COL12A1: variants seen among roughly 807,000 people sequenced by gnomAD.
COL12A1 encodes collagen alpha-1(XII) chain.
A neutral mutation model predicts 349.7 loss-of-function variants in COL12A1; 114 were observed. That is an observed-to-expected ratio of 0.33 (90% CI 0.28 to 0.38). COL12A1 has a LOEUF of 0.38. COL12A1 is among the 10% of genes least tolerant of loss of function. COL12A1 has a pLI of 1.00. For synonymous variants in COL12A1, 1,369 were observed against 1,329.0 expected (o/e 1.03, Z -0.66); for missense variants, 3,284 against 3,756.9 (o/e 0.87, Z 3.29).
At chr6:75,154,680 G>A in intron 16 of COL12A1, 143 bp from the exon 17 acceptor site, 3 of 781,170 alleles carry the variant, frequency 3.8e-6, no homozygotes, top group Non-Finnish European at 5.4e-6. Context: ...TATAAGAGAA[G>A]AAAAATAATT....
At chr6:75,137,391 G>T in intron 31 of COL12A1, 46 bp downstream of exon 31, 1 of 1,504,668 alleles carries the variant, frequency 6.6e-7, no homozygotes, top group Non-Finnish European at 8.9e-7. Flanking sequence ...AGTTTGAAGA[G>T]AAATGGTAGA....
chr6:75,112,531 T>C (rs556471598), intron 51 of COL12A1, among the ~76,000 whole-genome samples: 233 of 151,698 alleles, frequency 1.5e-3, no homozygotes, highest in Middle Eastern at 3.4e-3. Flanking sequence ...GTTTCTACTA[T>C]CTGCTGGATG....
Position 75,090,426 on chromosome 6 carries a change from A to C in COL12A1, c.8753-128T>G. On this transcript the variant is annotated intron_variant, in intron 62 of 65. Transcript: ENST00000322507. This position sits in a 1 kb window ranked among gnomAD's most constrained non-coding sequence, Gnocchi z 4.1. Reference sequence around the variant, plus strand: ...GCAACCCCTCTAAGGAAACAATCTAATTAGAATCCTAAAAATAAAATTAAG... The same window carrying C: ...GCAACCCCTCTAAGGAAACAATCTACTTAGAATCCTAAAAATAAAATTAAG... The C allele has an allele frequency of 2.3e-6, 2 of 853,328 alleles. No individual in the cohort carries two copies. The highest frequency in any genetic ancestry group is 3.1e-4 in the Middle Eastern group (1 of 3,230). The allele number at this position is 853,328 out of a possible 1,614,324, so 52.9% of individuals were successfully genotyped here.
Position 75,137,584 on chromosome 6 carries a change from A to G in COL12A1, c.5252-5T>C. The stretch of plus-strand genomic sequence containing the variant: ...TTCGTGGGCCACTTTTGGGAGCTGA[A>G]AGAAGATTGTTGAAAAACTGAGTAA... On this transcript the variant is annotated splice_region_variant and splice_polypyrimidine_tract_variant and intron_variant, in intron 30 of 65. Coordinates refer to ENST00000322507, the MANE Select transcript of COL12A1 (RefSeq NM_004370.6). 6.2e-6 allele frequency: 10 copies of G among 1,613,668 alleles called. No individual in the cohort carries two copies. The highest frequency in any genetic ancestry group is 8.5e-6 in the Non-Finnish European group (10 of 1,179,780).
chr6:75,104,599 G>A (rs1482032595), intron 54 of COL12A1, among the ~76,000 whole-genome samples: 1 of 152,094 alleles, frequency 6.6e-6, no homozygotes, highest in African/African-American at 2.4e-5. Context: ...CTAACTCAAG[G>A]GGTTTCACAT....
At chr6:75,173,615 T>A (rs1441431042) in intron 13 of COL12A1, among the ~76,000 whole-genome samples, 1 of 152,236 alleles carries the variant, frequency 6.6e-6, no homozygotes, top group East Asian at 1.9e-4. Context: ...CCTCAGGTGA[T>A]CCACCTGCCT....
Position 75,133,960 on chromosome 6 carries a change from G to A in COL12A1, c.5562C>T (p.Asp1854=). The change falls in exon 33 of 66, where the codon GAC becomes GAT. Residue 1854 remains aspartate (D), a synonymous_variant. Coordinates refer to ENST00000322507, the MANE Select transcript of COL12A1 (RefSeq NM_004370.6). The part of the protein sequence containing the change: ...LNTVRNLRVY[D]PSTSTLNVRW... Reference sequence around the variant, plus strand: ...GGACATTCAAGGTGCTGGTAGAAGGGTCATACACTCTCAGGTTCCTTACAG... The same window carrying A: ...GGACATTCAAGGTGCTGGTAGAAGGATCATACACTCTCAGGTTCCTTACAG... The A allele has an allele frequency of 6.2e-7, 1 of 1,613,976 alleles. No individual in the cohort carries two copies. Among genetic ancestry groups the A allele is most frequent in the Non-Finnish European group, 8.5e-7 (1 of 1,179,952 alleles).
chr6:75,202,948 T>A (rs546078894), intron 1 of COL12A1, 121 bp from the exon 2 acceptor site: 3 of 617,636 alleles, frequency 4.9e-6, no homozygotes, highest in African/African-American at 3.7e-5. Context: ...CCACAGGGCC[T>A]ACTCCAGCAC....
chr6:75,121,288 G>T lies in COL12A1; in HGVS notation c.7086+14C>A. On this transcript the variant is annotated intron_variant, in intron 44 of 65. Coordinates refer to ENST00000322507, the MANE Select transcript of COL12A1 (RefSeq NM_004370.6). ...ACATCACAAATGAGTAGCCACTGGC[G>T]GAATGACACTAACCTGAATCCCAGC... The T allele has an allele frequency of 1.3e-6, 2 of 1,559,206 alleles. No homozygotes were observed. The highest frequency in any genetic ancestry group is 1.7e-6 in the Non-Finnish European group (2 of 1,143,578).
At chr6:75,185,188 T>C (rs897235274) in intron 8 of COL12A1, among the ~76,000 whole-genome samples, 2 of 152,222 alleles carry the variant, frequency 1.3e-5, no homozygotes, top group Non-Finnish European at 2.9e-5. Flanking sequence ...AAACTATCCC[T>C]GTTTGCAGAT....
intron 27 of COL12A1, among the ~76,000 whole-genome samples, chr6:75,141,730 G>A (rs941340069): frequency 3.1e-4 from 47 of 152,166 alleles, no homozygotes; most frequent in African/African-American, 1.1e-3. Context: ...CATACGTCAA[G>A]AAAACTTGCC....
At position 75,108,212 on chromosome 6, in the gene COL12A1, T is replaced by C. The variant is rs116928400; in HGVS notation, c.8100+806A>G. Among the ~76,000 whole-genome samples the C allele has an allele frequency of 1.4e-3, 218 of 151,852 alleles. 2 individuals carry two copies. In the East Asian group the frequency reaches 0.035, roughly 25 times the overall value. The stretch of plus-strand genomic sequence containing the variant: ...TTCCCACCTCAGCCTCCCAAGTTGC[T>C]AGGAATACAGGCACATGCCACCACA... On this transcript the variant is annotated intron_variant, in intron 52 of 65. Transcript: ENST00000322507.
chr6:75,168,505 C>T (rs543004527), intron 13 of COL12A1, among the ~76,000 whole-genome samples: 3 of 152,334 alleles, frequency 2.0e-5, no homozygotes, highest in African/African-American at 7.2e-5. Flanking sequence ...ATGTCACCTC[C>T]TGGGGCCTTG....
intron 52 of COL12A1, among the ~76,000 whole-genome samples, chr6:75,106,877 T>C (rs1242808544): frequency 1.5e-5 from 1 of 65,944 alleles, no homozygotes. Flanking sequence ...GTATTTTCTT[T>C]TTTTTTTTCT....
intron 14 of COL12A1, among the ~76,000 whole-genome samples, chr6:75,161,441 CA>C (rs1424418404): frequency 6.6e-6 from 1 of 152,068 alleles, no homozygotes; most frequent in Non-Finnish European, 1.5e-5. Flanking sequence ...GTTACTTTTG[CA>C]CATGTGGAAC....
intron 58 of COL12A1, among the ~76,000 whole-genome samples, chr6:75,098,189 C>T (rs1445602114): frequency 6.6e-6 from 1 of 152,192 alleles, no homozygotes; most frequent in Non-Finnish European, 1.5e-5. Context: ...AACACATGCT[C>T]TCAAGTCTTC....
At chr6:75,160,701 A>T (rs1767986708) in intron 14 of COL12A1, among the ~76,000 whole-genome samples, 3 of 152,208 alleles carry the variant, frequency 2.0e-5, no homozygotes, top group Admixed American at 6.5e-5. Context: ...ATAAAATGGC[A>T]TAGTATTTGC....
Position 75,152,498 on chromosome 6 carries a change from T to G in COL12A1, c.3566-16A>C, listed in dbSNP as rs1265173793. ...CACTCCATCCCTGACATGGCAATCA[T>G]GAGACAAGACAGTAAGAAGCAAATT... On this transcript the variant is annotated splice_polypyrimidine_tract_variant and intron_variant, in intron 17 of 65. Coordinates refer to ENST00000322507, the MANE Select transcript of COL12A1 (RefSeq NM_004370.6). The G allele has an allele frequency of 1.2e-6, 2 of 1,612,780 alleles. No individual in the cohort carries two copies.
rs767180113 is a variant in COL12A1, at chr6:75,113,286, T to C, written c.7868A>G (p.Asn2623Ser). Residue 2623 changes from asparagine to serine, a missense_variant, in exon 51 of 66, where the codon AAC (asparagine) becomes AGC (serine). This residue lies in a region of COL12A1 where 683 missense variants were observed against 932.1 expected (regional missense o/e 0.73). Transcript: ENST00000322507. ...DPSSKTLSFF[N>S]KDTRGEVQTV... Reference sequence around the variant, plus strand: ...TTGCACCTCGCCTCTTGTATCCTTGTTAAAGAATGATAACGTCTTGCTAGA... The same window carrying C: ...TTGCACCTCGCCTCTTGTATCCTTGCTAAAGAATGATAACGTCTTGCTAGA... 4 of 1,559,206 alleles carry C rather than the reference T, an allele frequency of 2.6e-6. No individual in the cohort carries two copies. The highest frequency in any genetic ancestry group is 3.5e-6 in the Non-Finnish European group (4 of 1,156,148).
Sources: allele counts gnomAD v4.1 joint callset (sites outside exome capture counted in the v4.1 genomes callset), GRCh38; gene constraint gnomAD v4.1.1; regional missense constraint gnomAD v4.1.1; non-coding constraint Gnocchi (gnomAD v3.1); transcripts MANE v1.5; gene names NCBI Gene and HGNC (gene_info 2026-07-23, HGNC 2026-07-21).